The following TTLL11 variants were observed in gnomAD, a reference collection of about 807,000 sequenced individuals.
TTLL11 encodes the protein tubulin polyglutamylase TTLL11.
TTLL11 carries 42 observed loss-of-function variants against 51.7 expected under a neutral mutation model. The ratio of observed to expected loss-of-function variants is 0.81; its 90% confidence interval spans 0.64 to 1.05. TTLL11 has a LOEUF of 1.05. Ranked by LOEUF, TTLL11 falls within the 50% of genes least tolerant of loss-of-function variation. TTLL11 has a pLI of 0.00. For synonymous variants in TTLL11, 381 were observed against 383.5 expected (o/e 0.99, Z 0.08); for missense variants, 799 against 940.4 (o/e 0.85, Z 1.97).
intron 8 of TTLL11, among the ~76,000 whole-genome samples, chr9:121,841,477 A>T (rs1315833901): frequency 1.3e-5 from 2 of 152,118 alleles, no homozygotes; most frequent in Non-Finnish European, 2.9e-5. Flanking sequence ...CCCTTCGCAG[A>T]TGTGATCAGT....
intron 8 of TTLL11, among the ~76,000 whole-genome samples, chr9:121,827,019 T>C (rs568181839): frequency 2.6e-4 from 40 of 152,190 alleles, no homozygotes; most frequent in African/African-American, 6.0e-4. Flanking sequence ...GATGAAGCCA[T>C]TGGGAGCCCC....
intron 6 of TTLL11, among the ~76,000 whole-genome samples, chr9:121,967,622 C>T (rs1220223219): frequency 3.9e-5 from 6 of 152,110 alleles, no homozygotes; most frequent in Admixed American, 3.9e-4. Context: ...AACAGGAGTT[C>T]TAAAAACTTC....
intron 8 of TTLL11, among the ~76,000 whole-genome samples, chr9:121,828,060 A>G (rs1836874852): frequency 6.6e-6 from 1 of 152,158 alleles, no homozygotes; most frequent in Non-Finnish European, 1.5e-5. Context: ...AGTGCCATAG[A>G]GCCCATGCAT....
At chr9:121,919,847 T>TAA (rs59700871) in intron 6 of TTLL11, among the ~76,000 whole-genome samples, 51 of 60,582 alleles carry the variant, frequency 8.4e-4, no homozygotes, top group East Asian at 1.5e-3. Context: ...CCCTCATCTC[T>TAA]AAAAAAAAAA....
At chr9:122,075,268 G>A (rs1455932323) in intron 1 of TTLL11, among the ~76,000 whole-genome samples, 6 of 152,212 alleles carry the variant, frequency 3.9e-5, no homozygotes, top group Non-Finnish European at 7.3e-5. Context: ...TGGGCGAGTA[G>A]GGATCACAGG....
intron 1 of TTLL11, among the ~76,000 whole-genome samples, chr9:122,069,301 G>T (rs139753341): frequency 0.02 from 3,110 of 152,272 alleles, 46 homozygotes; most frequent in Middle Eastern, 0.041. Context: ...CCTCAGGCTA[G>T]GTCAGAGACA....
intron 6 of TTLL11, among the ~76,000 whole-genome samples, chr9:121,964,735 T>C (rs974531142): frequency 1.3e-5 from 2 of 152,178 alleles, no homozygotes; most frequent in African/African-American, 4.8e-5. Context: ...CAACAGAGCC[T>C]TGTGCCTTTG....
chr9:121,989,675 T>C lies in TTLL11; in HGVS notation c.789A>G (p.Lys263=), dbSNP rs564055586. The C allele has an allele frequency of 6.2e-7, 1 of 1,614,172 alleles. No homozygotes were observed. Among genetic ancestry groups the C allele is most frequent in the East Asian group, 2.2e-5 (1 of 44,894 alleles). The change falls in exon 4 of 9, where the codon AAA becomes AAG. Residue 263 remains lysine (K), a synonymous_variant. Coordinates refer to ENST00000321582, the MANE Select transcript of TTLL11 (RefSeq NM_001139442.2). The surrounding 1 kb of genome is among the most constrained non-coding windows in gnomAD (Gnocchi z 4.2). ...GCQGDGIYLI[K]DPSDIRLAGT... ...CTGCCAGGCGGATGTCACTGGGGTC[T>C]TTAATGAGGTAGATTCCATCACCCT...
chr9:121,983,216 A>C (rs1466789076), intron 4 of TTLL11, among the ~76,000 whole-genome samples: 1 of 152,212 alleles, frequency 6.6e-6, no homozygotes, highest in Non-Finnish European at 1.5e-5. Flanking sequence ...TGTTGGTCTG[A>C]GTGACTGACT....
In TTLL11 at chr9:121,853,463, C is replaced by A. The variant is rs990456107; in HGVS notation, c.1840+6874G>T. Among the ~76,000 whole-genome samples, 1 of 107,668 alleles carries A rather than the reference C, an allele frequency of 9.3e-6. No individual in the cohort carries two copies. Among genetic ancestry groups the A allele is most frequent in the African/African-American group, 3.8e-5 (1 of 26,414 alleles). 70.6% of individuals were successfully genotyped at this position (107,668 alleles called of 152,430 possible). A position where few individuals can be genotyped will look rare whatever the true frequency, so the allele number is the denominator to read the frequency against. On this transcript the variant is annotated intron_variant, in intron 8 of 8. Transcript: ENST00000321582. The surrounding 1 kb of genome is among the most constrained non-coding windows in gnomAD (Gnocchi z 5.6). ...GGTGAGCAAGGAGAGGGGGTTCCTG[C>A]AGAGGTGGGGGCCTGAGGGGGCCGG...
intron 8 of TTLL11, among the ~76,000 whole-genome samples, chr9:121,831,251 G>A (rs914543411): frequency 2.0e-5 from 3 of 152,222 alleles, no homozygotes; most frequent in African/African-American, 7.2e-5. Flanking sequence ...CCCTCACCCT[G>A]GGGATTCTGT....
intron 6 of TTLL11, among the ~76,000 whole-genome samples, chr9:121,932,972 T>C (rs1051652883): frequency 6.6e-6 from 1 of 152,206 alleles, no homozygotes; most frequent in African/African-American, 2.4e-5. Flanking sequence ...TAAAGAGGTA[T>C]GTGAGAACCC....
intron 1 of TTLL11, among the ~76,000 whole-genome samples, chr9:122,077,272 TA>T (rs1845887938): frequency 6.6e-6 from 1 of 152,162 alleles, no homozygotes; most frequent in South Asian, 2.1e-4. Context: ...CAATAACGCC[TA>T]ATTTGTGAAG....
chr9:122,066,423 C>T (rs552218820), intron 1 of TTLL11, among the ~76,000 whole-genome samples: 32 of 152,132 alleles, frequency 2.1e-4, no homozygotes, highest in African/African-American at 7.7e-4. Context: ...GAGCCAGAGT[C>T]CAGGGTCACA....
intron 3 of TTLL11, among the ~76,000 whole-genome samples, chr9:122,025,886 C>T (rs1025324552): frequency 6.6e-6 from 1 of 152,032 alleles, no homozygotes; most frequent in African/African-American, 2.4e-5. Context: ...TGGAATCAAC[C>T]CAAATGTCCT....
chr9:121,991,042 T>G (rs1266912902), intron 3 of TTLL11, among the ~76,000 whole-genome samples: 1 of 152,134 alleles, frequency 6.6e-6, no homozygotes, highest in Non-Finnish European at 1.5e-5. Flanking sequence ...GAAAGAGGGA[T>G]CCATGCTCTC....
intron 4 of TTLL11, among the ~76,000 whole-genome samples, chr9:121,987,891 G>T (rs1206624153): frequency 6.6e-6 from 1 of 151,826 alleles, no homozygotes; most frequent in Non-Finnish European, 1.5e-5. Context: ...CCCAACCCAG[G>T]CCTCTGTCTC....
chr9:121,994,765 T>C (rs566447033), intron 3 of TTLL11, among the ~76,000 whole-genome samples: 23 of 152,264 alleles, frequency 1.5e-4, no homozygotes, highest in South Asian at 6.2e-4. Flanking sequence ...GCAACTTAAT[T>C]AGATGTGTAT....
chr9:122,032,008 G>T, intron 2 of TTLL11, 152 bp from the exon 3 acceptor site: 1 of 1,054,142 alleles, frequency 9.5e-7, no homozygotes, highest in Non-Finnish European at 1.3e-6. Flanking sequence ...CCACAGCGGT[G>T]ACTCATGGTT....
Sources: allele counts gnomAD v4.1 joint callset (sites outside exome capture counted in the v4.1 genomes callset), GRCh38; gene constraint gnomAD v4.1.1; non-coding constraint Gnocchi (gnomAD v3.1); transcripts MANE v1.5; gene names NCBI Gene and HGNC (gene_info 2026-07-23, HGNC 2026-07-21).